DLG2: variants seen among roughly 807,000 people sequenced by gnomAD.
DLG2 encodes discs large MAGUK scaffold protein 2, also known as disks large homolog 2.
In DLG2, 45 loss-of-function variants were observed where a neutral mutation model predicts 132.5. The observed-to-expected ratio is 0.34, with a 90% CI of 0.27 to 0.44. The LOEUF (loss-of-function observed/expected upper bound fraction) is 0.44, where lower values mean the gene tolerates loss of function less well. Ranked by LOEUF, DLG2 falls within the 20% of genes least tolerant of loss-of-function variation. The probability of loss-of-function intolerance (pLI) is 1.00; values close to 1 mark genes in which losing one functional copy is unlikely to be tolerated. For synonymous variants in DLG2, 424 were observed against 419.6 expected, an observed-to-expected ratio of 1.01 and a Z score of -0.13; for missense variants, 1,045 against 1,196.9, an observed-to-expected ratio of 0.87 and a Z score of 1.87.
intron 3 of DLG2, among the ~76,000 whole-genome samples, chr11:85,527,313 A>T (rs1487625649): frequency 1.3e-5 from 2 of 152,032 alleles, no homozygotes; most frequent in South Asian, 4.2e-4. Flanking sequence ...CCCCACATGC[A>T]TTAGGTCTTT....
chr11:84,745,075 T>C (rs1368122443), intron 6 of DLG2, among the ~76,000 whole-genome samples: 2 of 151,980 alleles, frequency 1.3e-5, no homozygotes, highest in Non-Finnish European at 2.9e-5. Context: ...AGTTCACATA[T>C]TAGAGATCAC....
chr11:84,371,356 G>T (rs1243264565), intron 7 of DLG2, among the ~76,000 whole-genome samples: 1 of 151,586 alleles, frequency 6.6e-6, no homozygotes, highest in East Asian at 1.9e-4. Context: ...AGGCTCAGGG[G>T]ATCCTCCTCC....
At chr11:84,839,399 A>G (rs866423498) in intron 6 of DLG2, among the ~76,000 whole-genome samples, 8 of 152,080 alleles carry the variant, frequency 5.3e-5, no homozygotes, top group Admixed American at 1.3e-4. Context: ...AATCAATATC[A>G]TGAAAATGGC....
intron 4 of DLG2, among the ~76,000 whole-genome samples, chr11:85,198,732 A>G (rs1270085753): frequency 6.6e-6 from 1 of 152,122 alleles, no homozygotes; most frequent in Non-Finnish European, 1.5e-5. Flanking sequence ...GGCATTTCTA[A>G]TTTGAGTTCA....
intron 14 of DLG2, among the ~76,000 whole-genome samples, chr11:83,940,794 C>T (rs779981397): frequency 6.6e-5 from 10 of 152,182 alleles, no homozygotes; most frequent in Non-Finnish European, 1.3e-4. Context: ...GGTTGTTTAC[C>T]TCTATGCCTC....
At chr11:84,091,175 T>C (rs2097086814) in intron 10 of DLG2, among the ~76,000 whole-genome samples, 1 of 152,232 alleles carries the variant, frequency 6.6e-6, no homozygotes, top group Non-Finnish European at 1.5e-5. Context: ...TAAACACACA[T>C]ACCCGAAAAG....
intron 8 of DLG2, among the ~76,000 whole-genome samples, chr11:84,250,557 C>T (rs189223118): frequency 1.9e-3 from 282 of 152,312 alleles, no homozygotes; most frequent in African/African-American, 6.4e-3. Flanking sequence ...CATCAGCTAG[C>T]GCCCACTCAC....
intron 8 of DLG2, among the ~76,000 whole-genome samples, chr11:84,224,480 T>C (rs541744451): frequency 3.9e-5 from 6 of 152,226 alleles, no homozygotes; most frequent in African/African-American, 1.4e-4. Flanking sequence ...GTACATCATT[T>C]CCTAGGAATT....
chr11:85,175,398 T>C (rs191662760), intron 4 of DLG2, among the ~76,000 whole-genome samples: 17 of 152,286 alleles, frequency 1.1e-4, no homozygotes, highest in Admixed American at 9.2e-4. Flanking sequence ...CAAAAAAGTC[T>C]TCAATAACAT....
intron 6 of DLG2, among the ~76,000 whole-genome samples, chr11:84,587,706 T>C (rs1248367485): frequency 6.6e-6 from 1 of 152,214 alleles, no homozygotes; most frequent in Non-Finnish European, 1.5e-5. Flanking sequence ...GATTCACTCC[T>C]GCAGTGATCG....
At chr11:85,166,486 A>C (rs991821815) in intron 4 of DLG2, among the ~76,000 whole-genome samples, 5 of 151,982 alleles carry the variant, frequency 3.3e-5, no homozygotes, top group Non-Finnish European at 5.9e-5. Flanking sequence ...CTTAAGAACT[A>C]TTTATGACTC....
chr11:83,876,171 A>G (rs185483951), intron 15 of DLG2, among the ~76,000 whole-genome samples: 2 of 152,296 alleles, frequency 1.3e-5, no homozygotes, highest in Admixed American at 1.3e-4. Flanking sequence ...CTGGGATAGT[A>G]ACAGGACTTT....
chr11:84,633,094 A>T (rs1243841054), intron 6 of DLG2, among the ~76,000 whole-genome samples: 3 of 152,204 alleles, frequency 2.0e-5, no homozygotes, highest in Non-Finnish European at 4.4e-5. Context: ...TGATCCATGT[A>T]TATTAATGTA....
chr11:83,937,045 T>C lies in DLG2; in HGVS notation c.1341-6562A>G, dbSNP rs2081590343. On this transcript the variant is annotated intron_variant, in intron 14 of 27. Coordinates refer to ENST00000376104, the MANE Select transcript of DLG2 (RefSeq NM_001142699.3). ...AACTCTTACACTTTTGTAAACCTGCTTTTAAAGGCTTTGTATTGATTTTTA... is the reference window on the plus strand; with the variant it reads ...AACTCTTACACTTTTGTAAACCTGCCTTTAAAGGCTTTGTATTGATTTTTA... Among the ~76,000 whole-genome samples the C allele has an allele frequency of 1.3e-5, 2 of 152,218 alleles. 1 individual carries two copies. The highest frequency in any genetic ancestry group is 4.8e-5 in the African/African-American group (2 of 41,448).
intron 8 of DLG2, among the ~76,000 whole-genome samples, chr11:84,183,374 C>T (rs774905852): frequency 1.8e-4 from 27 of 151,952 alleles, no homozygotes; most frequent in Non-Finnish European, 3.2e-4. Flanking sequence ...TGTCAATGCC[C>T]GTGTGAGCAA....
chr11:84,436,633 T>C lies in DLG2; in HGVS notation c.519+97937A>G, dbSNP rs550530849. Among the ~76,000 whole-genome samples the C allele has an allele frequency of 3.3e-4, 50 of 152,320 alleles. No individual in the cohort carries two copies. The South Asian group carries it at 9.1e-3, about 28-fold the overall frequency. On this transcript the variant is annotated intron_variant, in intron 7 of 27. Transcript: ENST00000376104. ...AGTGCCCCAGAAAGCACTGGAGAAT[T>C]AGAGATGTAAGCTATCATCTTCTGT...
At chr11:83,724,019 T>C (rs1206508300) in intron 18 of DLG2, among the ~76,000 whole-genome samples, 1 of 152,202 alleles carries the variant, frequency 6.6e-6, no homozygotes, top group African/African-American at 2.4e-5. Context: ...TTCTTAACTA[T>C]GAAGCTATGA....
At chr11:85,396,324 CA>C (rs1416778380) in intron 3 of DLG2, among the ~76,000 whole-genome samples, 2 of 152,068 alleles carry the variant, frequency 1.3e-5, no homozygotes, top group Non-Finnish European at 2.9e-5. Flanking sequence ...TGGGGAGAAA[CA>C]AGAGCAGAAA....
intron 6 of DLG2, among the ~76,000 whole-genome samples, chr11:84,689,212 T>C (rs892645702): frequency 2.6e-5 from 4 of 152,170 alleles, no homozygotes; most frequent in African/African-American, 9.7e-5. Context: ...TATAAAATCA[T>C]CATTTTGTGA....
Sources: gnomAD v4.1 joint callset for allele counts (sites outside exome capture counted in the v4.1 genomes callset) on GRCh38, gnomAD v4.1.1 for gene constraint, MANE v1.5 for transcripts, NCBI Gene and HGNC (gene_info 2026-07-23, HGNC 2026-07-21) for gene names.